AQP5: variants seen among roughly 807,000 people sequenced by gnomAD.
The protein encoded by AQP5 is aquaporin-5.
Under a neutral mutation model 19.1 loss-of-function variants are expected in AQP5, and 15 were observed. The ratio of observed to expected loss-of-function variants is 0.79; its 90% CI spans 0.53 to 1.21. AQP5 has a LOEUF of 1.21. AQP5 is among the 50% of genes most tolerant of loss of function. AQP5 has a pLI of 0.00. For synonymous variants in AQP5, 182 were observed against 160.3 expected, an observed-to-expected ratio of 1.14 and a Z score of -1.02; for missense variants, 355 against 357.1, an observed-to-expected ratio of 0.99 and a Z score of 0.05.
At chr12:49,964,006 A>C in intron 2 of AQP5, 86 bp from the exon 3 acceptor site, 1 of 1,337,424 alleles carries the variant, frequency 7.5e-7, no homozygotes, top group South Asian at 1.2e-5. Flanking sequence ...GAGCCCCTGG[A>C]CTGCAGTGTA....
Position 49,965,411 on chromosome 12 carries a change from G to C in AQP5, c.*234G>C. 1 of 433,846 alleles carries C rather than the reference G, an allele frequency of 2.3e-6. No individual in the cohort carries two copies. Among genetic ancestry groups the C allele is most frequent in the Non-Finnish European group, 4.0e-6 (1 of 248,952 alleles). 26.9% of individuals were successfully genotyped at this position (433,846 alleles called of 1,614,324 possible). On this transcript the variant is annotated 3_prime_UTR_variant, in exon 4 of 4. Coordinates refer to ENST00000293599, the MANE Select transcript of AQP5 (RefSeq NM_001651.4). ...AGGTCTCTCTGGGACAGACCTCAGA[G>C]ATTGTGAATGCAGTGCCAAGCTCAC... is the stretch of plus-strand genomic sequence containing the variant.
chr12:49,962,605 C>G, intron 1 of AQP5: 2 of 650,456 alleles, frequency 3.1e-6, no homozygotes, highest in South Asian at 5.0e-5. Flanking sequence ...CCACCCTGGT[C>G]TCTCTCCAAT....
chr12:49,963,761 G>A, intron 2 of AQP5, 105 bp downstream of exon 2: 3 of 1,411,482 alleles, frequency 2.1e-6, no homozygotes, highest in Admixed American at 4.8e-5. Flanking sequence ...GTCCAGCAGA[G>A]TTTAAGGCCT....
In AQP5 at chr12:49,965,312, CAGTT is replaced by C. The variant is rs1947478134; in HGVS notation, c.*138_*141del. On this transcript the variant is annotated 3_prime_UTR_variant, in exon 4 of 4. Transcript: ENST00000293599. ...GGAGGAGCTGGTCACCCTGGCTGCACAGTTAGAGAGGGGAGAAGGAACCCATGAT... is the reference window on the plus strand; with the variant it reads ...GGAGGAGCTGGTCACCCTGGCTGCACAGAGAGGGGAGAAGGAACCCATGAT... The C allele has an allele frequency of 8.9e-6, 10 of 1,122,964 alleles. 1 individual carries two copies. The highest frequency in any genetic ancestry group is 6.1e-4 in the Middle Eastern group (2 of 3,284). The allele number at this position is 1,122,964 out of a possible 1,614,324, so 69.6% of individuals were successfully genotyped here.
rs371337460 is a variant in AQP5 at position 49,964,958 on chromosome 12, C to T, written c.613-34C>T. 3.1e-6 allele frequency: 5 copies of T among 1,594,156 alleles called. No individual in the cohort carries two copies. The African/African-American group carries it at 5.4e-5, about 17-fold the overall frequency. ...GGCATGTGGTCTTCAAGGTCTGGGG[C>T]TCAGCGCCCTGACTCCTGCCCTGTC... On this transcript the variant is annotated intron_variant, in intron 3 of 3. Coordinates refer to ENST00000293599, the MANE Select transcript of AQP5 (RefSeq NM_001651.4).
chr12:49,961,895 G>A lies in AQP5; in HGVS notation c.-123G>A. Reference sequence around the variant, plus strand: ...CCAGGCCGCCAGCCTCGGAGTGGGCGCGGGACAGTGCGCGGCGCCCCGCAG... The same window carrying A: ...CCAGGCCGCCAGCCTCGGAGTGGGCACGGGACAGTGCGCGGCGCCCCGCAG... On this transcript the variant is annotated 5_prime_UTR_variant, in exon 1 of 4. Transcript: ENST00000293599. 2.2e-6 allele frequency: 1 copy of A among 451,300 alleles called. No homozygotes were observed. Among genetic ancestry groups the A allele is most frequent in the Non-Finnish European group, 3.0e-6 (1 of 328,490 alleles). 28.0% of individuals were successfully genotyped at this position (451,300 alleles called of 1,614,324 possible). A position where few individuals can be genotyped will look rare whatever the true frequency, so the allele number is the denominator to read the frequency against.
At position 49,964,143 on chromosome 12, in the gene AQP5, G is replaced by A; in HGVS notation, c.580G>A (p.Val194Met). 1.9e-6 allele frequency: 3 copies of A among 1,614,166 alleles called. No homozygotes were observed. The highest frequency in any genetic ancestry group is 2.5e-6 in the Non-Finnish European group (3 of 1,180,024). The change falls in exon 3 of 4, where the codon GTG becomes ATG. Residue 194 changes from valine (V) to methionine (M), a missense_variant. Physicochemically the swap from Val to Met is conservative, Grantham distance 21 (BLOSUM62 1). Coordinates refer to ENST00000293599, the MANE Select transcript of AQP5 (RefSeq NM_001651.4). ...CCCAGCCCGCTCTTTTGGCCCTGCG[G>A]TGGTCATGAATCGGTTCAGCCCCGC... ...MNPARSFGPA[V>M]VMNRFSPAHW...
rs1010337789 is a variant in AQP5 at position 49,963,289 on chromosome 12, A to G, written c.364-203A>G. ...TACCCTGACGCTCTGCCCTTTGGCC[A>G]CAGGCCTGAGCTTCAAGCCTGTGCA... On this transcript the variant is annotated intron_variant, in intron 1 of 3. Transcript: ENST00000293599. 5.3e-5 allele frequency among the ~76,000 whole-genome samples: 8 copies of G among 152,262 alleles called. No homozygotes were observed. In the East Asian group the frequency reaches 1.2e-3, roughly 22 times the overall value.
At chr12:49,964,225 C>T in intron 3 of AQP5, 50 bp downstream of exon 3, 1 of 1,561,638 alleles carries the variant, frequency 6.4e-7, no homozygotes, top group Non-Finnish European at 8.8e-7. Flanking sequence ...CCTGGAGACC[C>T]AGCAGTGGCA....
chr12:49,963,250 T>G lies in AQP5; in HGVS notation c.364-242T>G, dbSNP rs962130881. On this transcript the variant is annotated intron_variant, in intron 1 of 3. Transcript: ENST00000293599. The stretch of plus-strand genomic sequence containing the variant: ...TTGGGCAGAGCCATTGATAGGCCCG[T>G]GTCCAGGAAAAGCTACCCTGACGCT... 3.9e-5 allele frequency among the ~76,000 whole-genome samples: 6 copies of G among 152,202 alleles called. 1 individual carries two copies. The highest frequency in any genetic ancestry group is 5.9e-5 in the Non-Finnish European group (4 of 68,030).
At chr12:49,964,497 C>T (rs1874086) in intron 3 of AQP5, 112,203 of 342,012 alleles carry the variant, frequency 0.33, 19,628 homozygotes, top group African/African-American at 0.45. Flanking sequence ...TCGGTGTCTG[C>T]GTGCTGGTCC....
At chr12:49,963,453 A>G in intron 1 of AQP5, 39 bp from the exon 2 acceptor site, 1 of 1,606,570 alleles carries the variant, frequency 6.2e-7, no homozygotes, top group Non-Finnish European at 8.5e-7. Flanking sequence ...CTATACAGCC[A>G]GAAGGTGGCC....
intron 3 of AQP5, chr12:49,964,769 T>C (rs1947471256): frequency 1.0e-6 from 1 of 985,280 alleles, no homozygotes; most frequent in African/African-American, 1.7e-5. Context: ...TCTGTTTGCC[T>C]TCTTTGAGGG....
At position 49,965,434 on chromosome 12, in the gene AQP5, C is replaced by T. The variant is rs765100241; in HGVS notation, c.*257C>T. 4.2e-5 allele frequency: 15 copies of T among 358,784 alleles called. No homozygotes were observed. Among genetic ancestry groups the T allele is most frequent in the Middle Eastern group, 7.8e-4 (1 of 1,284 alleles). 22.2% of individuals were successfully genotyped at this position (358,784 alleles called of 1,614,324 possible). ...GAGATTGTGAATGCAGTGCCAAGCT[C>T]ACAGGCTGCAAGGGCCAGGCCAGAA... On this transcript the variant is annotated 3_prime_UTR_variant, in exon 4 of 4. Transcript: ENST00000293599.
At chr12:49,963,680 G>C in intron 2 of AQP5, 24 bp downstream of exon 2, 1 of 1,605,784 alleles carries the variant, frequency 6.2e-7, no homozygotes, top group Non-Finnish European at 8.5e-7. Context: ...ACATTGGGCT[G>C]GGGTGAGGGT....
At chr12:49,964,320 A>G (rs1212029476) in intron 3 of AQP5, 145 bp downstream of exon 3, 1 of 875,812 alleles carries the variant, frequency 1.1e-6, no homozygotes, top group Non-Finnish European at 1.8e-6. Context: ...AAAGGGACAC[A>G]GTAGGGGATG....
Position 49,962,206 on chromosome 12 carries a change from G to C in AQP5, c.189G>C (p.Val63=). 3 of 1,607,338 alleles carry C rather than the reference G, an allele frequency of 1.9e-6. No individual in the cohort carries two copies. The highest frequency in any genetic ancestry group is 2.5e-6 in the Non-Finnish European group (3 of 1,179,790). ...CGCTGGCCCAGGCCCTGGGACCCGT[G>C]AGCGGCGGCCACATCAACCCCGCCA... is the stretch of plus-strand genomic sequence containing the variant. ...IGTLAQALGP[V]SGGHINPAIT... Residue 63 remains valine (V), a synonymous_variant, in exon 1 of 4, where the codon GTG becomes GTC. Coordinates refer to ENST00000293599, the MANE Select transcript of AQP5 (RefSeq NM_001651.4).
chr12:49,963,512 G>C lies in AQP5; in HGVS notation c.384G>C (p.Gln128His), dbSNP rs1434205786. The change falls in exon 2 of 4, where the codon CAG becomes CAC. Residue 128 changes from glutamine (Q) to histidine (H), a missense_variant. Coordinates refer to ENST00000293599, the MANE Select transcript of AQP5 (RefSeq NM_001651.4). ...AVNALNNNTT[Q>H]GQAMVVELIL... is the part of the protein sequence containing the mutation. ...TGCAGCTCAACAACAACACAACGCA[G>C]GGCCAGGCCATGGTGGTGGAGCTGA... 1 of 1,613,742 alleles carries C rather than the reference G, an allele frequency of 6.2e-7. No individual in the cohort carries two copies. The highest frequency in any genetic ancestry group is 1.3e-5 in the African/African-American group (1 of 74,938).
At chr12:49,963,703 C>T in intron 2 of AQP5, 47 bp downstream of exon 2, 1 of 1,588,606 alleles carries the variant, frequency 6.3e-7, no homozygotes, top group Admixed American at 1.7e-5. Flanking sequence ...GGCAGGCACT[C>T]AAGGCAAATA....
Sources: gnomAD v4.1 joint callset for allele counts (sites outside exome capture counted in the v4.1 genomes callset) on GRCh38, gnomAD v4.1.1 for gene constraint, MANE v1.5 for transcripts, NCBI Gene and HGNC (gene_info 2026-07-23, HGNC 2026-07-21) for gene names.